WNT10B: variants seen among roughly 807,000 people sequenced by gnomAD.
WNT10B encodes Wnt family member 10B, also known as protein Wnt-10b.
Under a neutral mutation model 32.7 loss-of-function variants are expected in WNT10B, and 26 were observed. That is an observed-to-expected ratio of 0.79 (90% confidence interval 0.58 to 1.10). The LOEUF is 1.10. Ranked by LOEUF, WNT10B falls within the 50% of genes least tolerant of loss-of-function variation. The probability of loss-of-function intolerance (pLI) is 0.00; values close to 1 mark genes in which losing one functional copy is unlikely to be tolerated. For synonymous variants in WNT10B, 204 were observed against 220.4 expected (o/e 0.93, Z 0.66); for missense variants, 474 against 532.5 (o/e 0.89, Z 1.08).
In WNT10B at chr12:48,966,458, C is replaced by G. The variant is rs1440933247; in HGVS notation, c.807G>C (p.Arg269=). The stretch of plus-strand genomic sequence containing the variant: ...GCTCCCTCAACGCCGCCCCCACTGC[C>G]CGGAACTCTGGGGCCGCCCTCCAGC... ...KTCWRAAPEF[R]AVGAALRERL... The change falls in exon 5 of 5, where the codon CGG becomes CGC. Residue 269 remains arginine, a synonymous_variant. Coordinates refer to ENST00000301061, the MANE Select transcript of WNT10B (RefSeq NM_003394.4). 6.2e-7 allele frequency: 1 copy of G among 1,614,072 alleles called. No homozygotes were observed. Among genetic ancestry groups the G allele is most frequent in the Non-Finnish European group, 8.5e-7 (1 of 1,180,040 alleles).
At chr12:48,968,793 T>G (rs950241321) in intron 3 of WNT10B, among the ~76,000 whole-genome samples, 8 of 151,628 alleles carry the variant, frequency 5.3e-5, no homozygotes, top group Non-Finnish European at 8.8e-5. Context: ...TTTTTGTTTT[T>G]TTTTTTTTAA....
intron 3 of WNT10B, 100 bp downstream of exon 3, chr12:48,969,988 TC>T: frequency 7.6e-7 from 1 of 1,322,108 alleles, no homozygotes; most frequent in Non-Finnish European, 9.7e-7. Flanking sequence ...GAGAGGCCCC[TC>T]CCGGAGCCGC....
chr12:48,971,035 C>A (rs1247743594), intron 1 of WNT10B: 2 of 182,362 alleles, frequency 1.1e-5, no homozygotes, highest in East Asian at 2.7e-4. Flanking sequence ...CAAGTAGGCT[C>A]CATGAGAAAG....
chr12:48,967,874 T>A, intron 4 of WNT10B, 72 bp downstream of exon 4: 5 of 1,583,494 alleles, frequency 3.2e-6, no homozygotes, highest in Non-Finnish European at 4.3e-6. Context: ...ATCCTATCAT[T>A]TCCCTATGCC....
rs1050570737 is a variant in WNT10B, at chr12:48,969,989, C to T, written c.337+100G>A. 227 of 1,346,118 alleles carry T rather than the reference C, an allele frequency of 1.7e-4. 1 individual carries two copies. The highest frequency in any genetic ancestry group is 1.3e-3 in the South Asian group (75 of 58,020). The allele number at this position is 1,346,118 out of a possible 1,614,324, so 83.4% of individuals were successfully genotyped here. On this transcript the variant is annotated intron_variant, in intron 3 of 4. Transcript: ENST00000301061. ...GCGGGGAATTCCAGGAGAGGCCCCT[C>T]CCGGAGCCGCGAAACCATCCCTTCC... is the stretch of plus-strand genomic sequence containing the variant.
At chr12:48,969,881 T>C (rs2137614437) in intron 3 of WNT10B, among the ~76,000 whole-genome samples, 1 of 150,986 alleles carries the variant, frequency 6.6e-6, no homozygotes. Context: ...CCCAGCTGCC[T>C]CGCTGGCAGC....
At position 48,970,177 on chromosome 12, in the gene WNT10B, A is replaced by T. The variant is rs1940825263; in HGVS notation, c.249T>A (p.Cys83Ter). 6.4e-7 allele frequency: 1 copy of T among 1,563,986 alleles called. No individual in the cohort carries two copies. The highest frequency in any genetic ancestry group is 8.6e-7 in the Non-Finnish European group (1 of 1,156,420). The change falls in exon 3 of 5, where the codon TGT becomes TGA. Residue 83 changes from cysteine to a stop codon, truncating the protein, a stop_gained. Coordinates refer to ENST00000301061, the MANE Select transcript of WNT10B (RefSeq NM_003394.4). LOFTEE classifies it high-confidence loss of function. The surrounding 1 kb of genome is among the most constrained non-coding windows in gnomAD (Gnocchi z 5.0). ...AGCGCTGGTCGCGCAGCTGGTGCTG[A>T]CACTCGTGGACCGCGATGTGCAGAC... ...LQGLHIAVHE[C>*]QHQLRDQRWN...
intron 4 of WNT10B, among the ~76,000 whole-genome samples, chr12:48,966,878 A>T (rs1940745145): frequency 6.6e-6 from 1 of 152,244 alleles, no homozygotes; most frequent in Non-Finnish European, 1.5e-5. Flanking sequence ...AGTCTGGCCC[A>T]CAGCATGCCT....
chr12:48,966,281 C>T lies in WNT10B; in HGVS notation c.984G>A (p.Gly328=), dbSNP rs1645751539. The T allele has an allele frequency of 6.2e-7, 1 of 1,614,094 alleles. No individual in the cohort carries two copies. The highest frequency in any genetic ancestry group is 1.3e-5 in the African/African-American group (1 of 74,948). Residue 328 remains glycine (G), a synonymous_variant, in exon 5 of 5, where the codon GGG becomes GGA. Coordinates refer to ENST00000301061, the MANE Select transcript of WNT10B (RefSeq NM_003394.4). ...CERDPTMGSP[G]TRGRACNKTS... Reference sequence around the variant, plus strand: ...TCTTGTTGCAGGCCCGGCCCCTTGTCCCTGGGGAGCCCATAGTGGGGTCTC... The same window carrying T: ...TCTTGTTGCAGGCCCGGCCCCTTGTTCCTGGGGAGCCCATAGTGGGGTCTC...
Position 48,970,030 on chromosome 12 carries a change from C to T in WNT10B, c.337+59G>A, listed in dbSNP as rs933649481. On this transcript the variant is annotated intron_variant, in intron 3 of 4. Coordinates refer to ENST00000301061, the MANE Select transcript of WNT10B (RefSeq NM_003394.4). The surrounding 1 kb of genome is among the most constrained non-coding windows in gnomAD (Gnocchi z 5.0). ...CATCCCTTCCCGCCTCCGCGCGCCT[C>T]GCCCTGCCGCCCACCCCCTAGCCTC... is the stretch of plus-strand genomic sequence containing the variant. The T allele has an allele frequency of 2.2e-6, 3 of 1,393,996 alleles. No homozygotes were observed. Among genetic ancestry groups the T allele is most frequent in the South Asian group, 3.2e-5 (2 of 62,430 alleles). The allele number at this position is 1,393,996 out of a possible 1,614,324, so 86.4% of individuals were successfully genotyped here.
intron 4 of WNT10B, among the ~76,000 whole-genome samples, chr12:48,966,904 G>C (rs192266612): frequency 6.6e-6 from 1 of 152,192 alleles, no homozygotes; most frequent in South Asian, 2.1e-4. Context: ...CTGTAGGGAA[G>C]GTAGCTGTAA....
chr12:48,967,843 G>T, intron 4 of WNT10B, 103 bp downstream of exon 4: 1 of 1,484,118 alleles, frequency 6.7e-7, no homozygotes, highest in Non-Finnish European at 9.1e-7. Context: ...GATGGTGAGT[G>T]TCAGTCACTC....
chr12:48,966,208 G>A lies in WNT10B; in HGVS notation c.1057C>T (p.His353Tyr). Residue 353 changes from histidine (H) to tyrosine (Y), a missense_variant, in exon 5 of 5, where the codon CAC (histidine) becomes TAC (tyrosine). Coordinates refer to ENST00000301061, the MANE Select transcript of WNT10B (RefSeq NM_003394.4). The stretch of plus-strand genomic sequence containing the variant: ...ACTCGTGTCTGCCGGAGCACGTTGT[G>A]CCCACGGCCACAGCACAGGCTGCCA... ...GCGSLCCGRG[H>Y]NVLRQTRVER... The A allele has an allele frequency of 6.2e-7, 1 of 1,613,812 alleles. No homozygotes were observed.
intron 3 of WNT10B, 149 bp from the exon 4 acceptor site, chr12:48,968,468 A>G: frequency 7.6e-7 from 1 of 1,321,506 alleles, no homozygotes; most frequent in Non-Finnish European, 1.0e-6. Context: ...GATTTGGAGG[A>G]AAGTCATGGG....
chr12:48,967,973 T>G lies in WNT10B; in HGVS notation c.684A>C (p.Arg228=). 1.2e-6 allele frequency: 2 copies of G among 1,614,238 alleles called. No individual in the cohort carries two copies. Among genetic ancestry groups the G allele is most frequent in the Non-Finnish European group, 1.7e-6 (2 of 1,180,044 alleles). Residue 228 remains arginine (R), a synonymous_variant, in exon 4 of 5, where the codon CGA becomes CGC. Coordinates refer to ENST00000301061, the MANE Select transcript of WNT10B (RefSeq NM_003394.4). The part of the protein sequence containing the change: ...EAPRDIQARM[R]IHNNRVGRQV... The stretch of plus-strand genomic sequence containing the variant: ...GGCGCCCCACCCTGTTGTTGTGGAT[T>G]CGCATTCGTGCCTGGATGTCCCGGG...
At chr12:48,971,093 A>G (rs1940846922) in intron 1 of WNT10B, among the ~76,000 whole-genome samples, 1 of 152,172 alleles carries the variant, frequency 6.6e-6, no homozygotes, top group South Asian at 2.1e-4. Flanking sequence ...CTGAGCAGCA[A>G]GGAAAGAGGA....
rs1167662386 is a variant in WNT10B at position 48,968,357 on chromosome 12, G to C, written c.338-38C>G. 1.9e-6 allele frequency: 3 copies of C among 1,599,744 alleles called. No homozygotes were observed. The South Asian group carries it at 3.3e-5, about 18-fold the overall frequency. ...AGGGTGTGATGGTGGAGGTAAGGTT[G>C]ACAGGCAGCTGAGAGTGTGGAGGCA... On this transcript the variant is annotated intron_variant, in intron 3 of 4. Coordinates refer to ENST00000301061, the MANE Select transcript of WNT10B (RefSeq NM_003394.4).
Position 48,971,547 on chromosome 12 carries a change from G to C in WNT10B, c.-133C>G, listed in dbSNP as rs575174359. 6.6e-6 allele frequency: 1 copy of C among 152,264 alleles called. No individual in the cohort carries two copies. Among genetic ancestry groups the C allele is most frequent in the Non-Finnish European group, 1.5e-5 (1 of 68,166 alleles). 9.4% of individuals were successfully genotyped at this position (152,264 alleles called of 1,614,324 possible). A position where few individuals can be genotyped will look rare whatever the true frequency, so the allele number is the denominator to read the frequency against. The stretch of plus-strand genomic sequence containing the variant: ...TTAAACCGTGGGGAGACTGCGCTGG[G>C]TTCTGTCCCCTTGTCAGAGCCGCAT... On this transcript the variant is annotated 5_prime_UTR_variant, in exon 1 of 5. Transcript: ENST00000301061.
rs1940821517 is a variant in WNT10B at position 48,970,120 on chromosome 12, G to C, written c.306C>G (p.Arg102=). Residue 102 remains arginine (R), a synonymous_variant, in exon 3 of 5, where the codon CGC becomes CGG. Transcript: ENST00000301061. This position sits in a 1 kb window ranked among gnomAD's most constrained non-coding sequence, Gnocchi z 5.0. ...TGAGGATGGCGCTGTGGTGCGGCAG[G>C]CGGCCGCCGCCCTCAAGCGCGGAGC... ...WNCSALEGGG[R]LPHHSAILKR... 1 of 1,528,768 alleles carries C rather than the reference G, an allele frequency of 6.5e-7. No individual in the cohort carries two copies. Among genetic ancestry groups the C allele is most frequent in the South Asian group, 1.2e-5 (1 of 83,752 alleles). The allele number at this position is 1,528,768 out of a possible 1,614,324, so 94.7% of individuals were successfully genotyped here.
Sources: allele counts gnomAD v4.1 joint callset (sites outside exome capture counted in the v4.1 genomes callset), GRCh38; gene constraint gnomAD v4.1.1; non-coding constraint Gnocchi (gnomAD v3.1); transcripts MANE v1.5; gene names NCBI Gene and HGNC (gene_info 2026-07-23, HGNC 2026-07-21).